Variants in ARHGEF10L observed in about 807,000 individuals in gnomAD.
The protein encoded by ARHGEF10L is Rho guanine nucleotide exchange factor 10 like.
ARHGEF10L carries 69 observed loss-of-function variants against 141.2 expected under a neutral mutation model. The ratio of observed to expected loss-of-function variants is 0.49; its 90% CI spans 0.40 to 0.60. The LOEUF (loss-of-function observed/expected upper bound fraction) is 0.60. ARHGEF10L is among the 20% of genes least tolerant of loss of function. The pLI is 0.00. For synonymous variants in ARHGEF10L, 711 were observed against 718.5 expected, an observed-to-expected ratio of 0.99 and a Z score of 0.17; for missense variants, 1,482 against 1,734.3, an observed-to-expected ratio of 0.85 and a Z score of 2.58.
At chr1:17,616,331 G>T in intron 9 of ARHGEF10L, 129 bp downstream of exon 9, 1 of 773,194 alleles carries the variant, frequency 1.3e-6, no homozygotes, top group East Asian at 2.7e-5. Context: ...TCCTCTGGTG[G>T]TGGGGGTTGG....
chr1:17,544,419 C>T (rs1042856922), intron 1 of ARHGEF10L, among the ~76,000 whole-genome samples: 1 of 151,358 alleles, frequency 6.6e-6, no homozygotes, highest in Non-Finnish European at 1.5e-5. Context: ...CTCAGCCTCC[C>T]GAGTAGCTGG....
intron 1 of ARHGEF10L, among the ~76,000 whole-genome samples, chr1:17,571,973 T>C (rs2100365280): frequency 6.6e-6 from 1 of 152,366 alleles, no homozygotes; most frequent in South Asian, 2.1e-4. Flanking sequence ...ATTTCTGGCA[T>C]CAGCTCAGAG....
intron 26 of ARHGEF10L, among the ~76,000 whole-genome samples, chr1:17,686,078 T>TTTTCTTTCTTTCTTTC (rs537589890): frequency 7.1e-6 from 1 of 140,552 alleles, no homozygotes; most frequent in East Asian, 2.2e-4. Context: ...GTTTTGTTTT[T>TTTTCTTTCTTTCTTTC]TTTCTTTCTT....
In ARHGEF10L at chr1:17,588,185, C is replaced by T. The variant is rs544492394; in HGVS notation, c.224-261C>T. 2.7e-5 allele frequency among the ~76,000 whole-genome samples: 4 copies of T among 149,654 alleles called. No homozygotes were observed. In the East Asian group the frequency reaches 5.9e-4, roughly 22 times the overall value. ...AGCAGCTGGGGGTGGAGGGCAGGCC[C>T]AGAGCAGGCAGGGTGGCTGCCACGG... On this transcript the variant is annotated intron_variant, in intron 3 of 28. Transcript: ENST00000361221.
intron 21 of ARHGEF10L, among the ~76,000 whole-genome samples, chr1:17,645,325 G>A (rs183867117): frequency 9.9e-5 from 15 of 152,236 alleles, no homozygotes; most frequent in East Asian, 5.8e-4. Flanking sequence ...TTCTTGTAAC[G>A]TCCCCAGTCG....
At chr1:17,664,273 G>A (rs1301461980) in intron 25 of ARHGEF10L, among the ~76,000 whole-genome samples, 174 bp from the exon 26 acceptor site, 1 of 152,198 alleles carries the variant, frequency 6.6e-6, no homozygotes, top group Non-Finnish European at 1.5e-5. Flanking sequence ...CATGAATGGT[G>A]GGAGTCGGAG....
At position 17,643,642 on chromosome 1, in the gene ARHGEF10L, A is replaced by C. The variant is rs2061438590; in HGVS notation, c.2272+3340A>C. ...CACTGACCAGCTCTGTGATCCCAGCAAACTAACTCTGAGATGCCTTGGATT... is the reference window on the plus strand; with the variant it reads ...CACTGACCAGCTCTGTGATCCCAGCCAACTAACTCTGAGATGCCTTGGATT... On this transcript the variant is annotated intron_variant, in intron 21 of 28. Coordinates refer to ENST00000361221, the MANE Select transcript of ARHGEF10L (RefSeq NM_018125.4). 2.0e-5 allele frequency among the ~76,000 whole-genome samples: 3 copies of C among 152,194 alleles called. No individual in the cohort carries two copies. The South Asian group carries it at 6.2e-4, about 31-fold the overall frequency.
At chr1:17,648,786 C>T in intron 22 of ARHGEF10L, 111 bp downstream of exon 22, 1 of 1,410,418 alleles carries the variant, frequency 7.1e-7, no homozygotes, top group Non-Finnish European at 9.4e-7. Context: ...GCTCAGGTTC[C>T]AGCTGTGGCT....
At position 17,619,255 on chromosome 1, in the gene ARHGEF10L, C is replaced by G; in HGVS notation, c.836-84C>G. On this transcript the variant is annotated intron_variant, in intron 9 of 28. Transcript: ENST00000361221. The surrounding 1 kb of genome is among the most constrained non-coding windows in gnomAD (Gnocchi z 5.0). ...CCTAGGACCTGGGTCCAAGGCTGGT[C>G]TAGGGGGGCTCTCAGCTCCTGAGGC... The G allele has an allele frequency of 7.2e-7, 1 of 1,382,390 alleles. No homozygotes were observed. Among genetic ancestry groups the G allele is most frequent in the Non-Finnish European group, 1.0e-6 (1 of 990,408 alleles). 85.6% of individuals were successfully genotyped at this position (1,382,390 alleles called of 1,614,324 possible).
intron 9 of ARHGEF10L, among the ~76,000 whole-genome samples, chr1:17,617,210 G>T (rs1392155868): frequency 6.6e-6 from 1 of 152,186 alleles, no homozygotes; most frequent in Non-Finnish European, 1.5e-5. Flanking sequence ...CCCATTAGAG[G>T]GTTTTACGCA....
intron 1 of ARHGEF10L, among the ~76,000 whole-genome samples, chr1:17,561,856 T>C (rs2077556844): frequency 6.6e-6 from 1 of 152,240 alleles, no homozygotes; most frequent in African/African-American, 2.4e-5. Context: ...AAGCCTGTCC[T>C]GGCAGAGCTC....
At chr1:17,663,984 G>A (rs2062807358) in intron 25 of ARHGEF10L, among the ~76,000 whole-genome samples, 1 of 152,174 alleles carries the variant, frequency 6.6e-6, no homozygotes, top group Non-Finnish European at 1.5e-5. Context: ...GTGCACACCT[G>A]CTCATTTGTG....
intron 21 of ARHGEF10L, among the ~76,000 whole-genome samples, chr1:17,646,879 G>C (rs541389357): frequency 6.6e-6 from 1 of 151,992 alleles, no homozygotes; most frequent in Non-Finnish European, 1.5e-5. Context: ...AGGGACCTTC[G>C]CAGCTCTTCC....
chr1:17,586,607 T>G (rs746364399), intron 2 of ARHGEF10L, among the ~76,000 whole-genome samples: 1 of 152,192 alleles, frequency 6.6e-6, no homozygotes, highest in Admixed American at 6.5e-5. Flanking sequence ...AATTCATCCC[T>G]TCACTCATGT....
chr1:17,535,421 A>G (rs2076560853), upstream of ARHGEF10L, among the ~76,000 whole-genome samples: 2 of 152,152 alleles, frequency 1.3e-5, no homozygotes, highest in Admixed American at 6.5e-5. Flanking sequence ...CCATGGCCTG[A>G]GGGTTGGGGA....
intron 1 of ARHGEF10L, among the ~76,000 whole-genome samples, chr1:17,544,707 G>A (rs946183165): frequency 2.6e-5 from 4 of 152,016 alleles, no homozygotes; most frequent in Non-Finnish European, 5.9e-5. Flanking sequence ...TGTGCGTTGG[G>A]GAGTGTATTA....
intron 1 of ARHGEF10L, among the ~76,000 whole-genome samples, chr1:17,556,905 C>A (rs1454076620): frequency 1.3e-5 from 2 of 152,116 alleles, no homozygotes; most frequent in African/African-American, 4.8e-5. Flanking sequence ...GCCTATAGTC[C>A]CAGCTAATCA....
chr1:17,588,510 G>A (rs770129253), intron 4 of ARHGEF10L, 31 bp downstream of exon 4: 24 of 1,613,676 alleles, frequency 1.5e-5, no homozygotes, highest in Non-Finnish European at 1.9e-5. Flanking sequence ...TGCTTTGGCG[G>A]TTGGAAACAG....
At chr1:17,583,972 C>G (rs953768979) in intron 2 of ARHGEF10L, among the ~76,000 whole-genome samples, 1 of 152,188 alleles carries the variant, frequency 6.6e-6, no homozygotes, top group Non-Finnish European at 1.5e-5. Flanking sequence ...CTGCTACAGC[C>G]TCCTGAGTAG....
Sources: allele counts gnomAD v4.1 joint callset (sites outside exome capture counted in the v4.1 genomes callset), GRCh38; gene constraint gnomAD v4.1.1; non-coding constraint Gnocchi (gnomAD v3.1); transcripts MANE v1.5; gene names NCBI Gene and HGNC (gene_info 2026-07-23, HGNC 2026-07-21).